MYO5B: variants seen among roughly 807,000 people sequenced by gnomAD.
MYO5B encodes unconventional myosin-Vb.
Under a neutral mutation model 229.3 loss-of-function variants are expected in MYO5B, and 143 were observed. The ratio of observed to expected loss-of-function variants is 0.62; its 90% CI spans 0.54 to 0.72. MYO5B has a LOEUF of 0.72. MYO5B is among the 30% of genes least tolerant of loss of function. MYO5B has a pLI of 0.00. For missense variants in MYO5B, 2,321 were observed against 2,331.0 expected (o/e 1.00, Z 0.09); for synonymous variants, 918 against 885.2 (o/e 1.04, Z -0.66).
At chr18:49,913,620 A>C (rs1196086901) in intron 17 of MYO5B, among the ~76,000 whole-genome samples, 1 of 152,158 alleles carries the variant, frequency 6.6e-6, no homozygotes, top group Non-Finnish European at 1.5e-5. Flanking sequence ...TATGGACAGG[A>C]GACAGGGAAA....
rs538440820 is a variant in MYO5B at position 49,990,509 on chromosome 18, C to G, written c.768G>C (p.Glu256Asp). The change falls in exon 7 of 40, where the codon GAG (glutamate) becomes GAC (aspartate). Residue 256 changes from glutamate (E) to aspartate (D), a missense_variant. Coordinates refer to ENST00000285039, the MANE Select transcript of MYO5B (RefSeq NM_001080467.3). ...GCTGGTAAAAGATGTGGTAATTCCT[C>G]TCATCATCTGCCTGGAGGAGGAAGA... is the stretch of plus-strand genomic sequence containing the variant. ...KSRVVFQADD[E>D]RNYHIFYQLC... 1.2e-6 allele frequency: 2 copies of G among 1,613,576 alleles called. No individual in the cohort carries two copies. The highest frequency in any genetic ancestry group is 8.5e-7 in the Non-Finnish European group (1 of 1,179,686).
chr18:50,034,717 C>T (rs1346858881), intron 4 of MYO5B, among the ~76,000 whole-genome samples: 1 of 152,076 alleles, frequency 6.6e-6, no homozygotes, highest in Non-Finnish European at 1.5e-5. Context: ...TCACTCCAGC[C>T]TGAGCGAAAG....
intron 9 of MYO5B, among the ~76,000 whole-genome samples, 183 bp from the exon 10 acceptor site, chr18:49,974,798 G>GACACACACACACACACACACAC (rs10680505): frequency 0.042 from 5,489 of 130,996 alleles, 442 homozygotes; most frequent in Non-Finnish European, 0.054. Context: ...CACACACACA[G>GACACACACACACACACACACAC]ACACACACAC....
chr18:50,084,320 T>C (rs889308395), intron 1 of MYO5B, among the ~76,000 whole-genome samples: 3 of 152,180 alleles, frequency 2.0e-5, no homozygotes, highest in African/African-American at 7.2e-5. Flanking sequence ...CCATTTTTAC[T>C]ACTCTCTCTA....
At chr18:49,902,161 G>A (rs2024848639) in intron 21 of MYO5B, among the ~76,000 whole-genome samples, 1 of 152,130 alleles carries the variant, frequency 6.6e-6, no homozygotes, top group South Asian at 2.1e-4. Context: ...CATTCTTTCT[G>A]GACGCTCTAG....
intron 14 of MYO5B, among the ~76,000 whole-genome samples, chr18:49,942,378 A>G (rs1226593873): frequency 9.6e-6 from 1 of 104,312 alleles, no homozygotes. Context: ...GCTTCTGCAC[A>G]GCAAAAAAAA....
intron 1 of MYO5B, among the ~76,000 whole-genome samples, chr18:50,107,632 TGTG>T (rs1249242773): frequency 6.6e-6 from 1 of 152,160 alleles, no homozygotes; most frequent in Non-Finnish European, 1.5e-5. Context: ...AAACCAGCCT[TGTG>T]ATTCCAGCAC....
intron 1 of MYO5B, among the ~76,000 whole-genome samples, chr18:50,077,577 T>C (rs2031118745): frequency 6.6e-6 from 1 of 151,770 alleles, no homozygotes; most frequent in Middle Eastern, 3.4e-3. Flanking sequence ...ATTTCAGGAA[T>C]GTTGCATCTC....
chr18:50,187,880 G>A (rs574828516), intron 1 of MYO5B, among the ~76,000 whole-genome samples: 1 of 152,128 alleles, frequency 6.6e-6, no homozygotes, highest in Non-Finnish European at 1.5e-5. Flanking sequence ...GTCACTAGAG[G>A]GGGGCAGGGA....
chr18:50,052,429 A>T (rs1325330372), intron 2 of MYO5B, among the ~76,000 whole-genome samples: 1 of 149,534 alleles, frequency 6.7e-6, no homozygotes, highest in Non-Finnish European at 1.5e-5. Context: ...ATTGGAAATC[A>T]TCATTCTCAG....
chr18:49,987,068 C>T (rs982725196), intron 7 of MYO5B, among the ~76,000 whole-genome samples: 2 of 152,164 alleles, frequency 1.3e-5, no homozygotes, highest in Non-Finnish European at 2.9e-5. Flanking sequence ...CAGCATCTTT[C>T]GAAGACCTTT....
intron 22 of MYO5B, among the ~76,000 whole-genome samples, chr18:49,883,717 A>AT (rs948628077): frequency 6.6e-6 from 1 of 152,216 alleles, no homozygotes; most frequent in Non-Finnish European, 1.5e-5. Flanking sequence ...ACACTTCTAA[A>AT]TTTTAAAACT....
At chr18:50,044,570 A>C (rs1191944953) in intron 2 of MYO5B, among the ~76,000 whole-genome samples, 1 of 152,096 alleles carries the variant, frequency 6.6e-6, no homozygotes, top group Non-Finnish European at 1.5e-5. Flanking sequence ...CCTGCCTGAC[A>C]AGCAGGACTA....
chr18:49,877,829 G>A lies in MYO5B; in HGVS notation c.3330C>T (p.Asp1110=), dbSNP rs1396125755. ...NPSNQSSLES[D]SNYPSISTSE... is the part of the protein sequence containing the mutation. ...ATGTGGAGATGGAGGGGTAATTGGA[G>A]TCAGATTCTAAGCTACTTTGGTTTG... is the stretch of plus-strand genomic sequence containing the variant. Residue 1110 remains aspartate (D), a synonymous_variant, in exon 25 of 40, where the codon GAC becomes GAT. Coordinates refer to ENST00000285039, the MANE Select transcript of MYO5B (RefSeq NM_001080467.3). 1.9e-6 allele frequency: 3 copies of A among 1,614,116 alleles called. No homozygotes were observed. Among genetic ancestry groups the A allele is most frequent in the Non-Finnish European group, 8.5e-7 (1 of 1,179,986 alleles).
intron 1 of MYO5B, among the ~76,000 whole-genome samples, chr18:50,076,361 A>G (rs1239520648): frequency 6.6e-6 from 1 of 152,180 alleles, no homozygotes; most frequent in Non-Finnish European, 1.5e-5. Context: ...CCTGAGAGTA[A>G]GGGGCACCAG....
chr18:50,067,960 G>A (rs2030862195), intron 1 of MYO5B, among the ~76,000 whole-genome samples: 1 of 151,944 alleles, frequency 6.6e-6, no homozygotes, highest in Non-Finnish European at 1.5e-5. Context: ...TCCTTACCAA[G>A]TATACACTAC....
Position 49,900,168 on chromosome 18 carries a change from C to T in MYO5B, c.2811+2426G>A, listed in dbSNP as rs560246850. ...GACTGCACTCTGGCTGGAAGGTTAA[C>T]TCACAACATTTGACTAAGCAAGTCT... is the stretch of plus-strand genomic sequence containing the variant. On this transcript the variant is annotated intron_variant, in intron 21 of 39. Coordinates refer to ENST00000285039, the MANE Select transcript of MYO5B (RefSeq NM_001080467.3). Among the ~76,000 whole-genome samples, 6 of 152,372 alleles carry T rather than the reference C, an allele frequency of 3.9e-5. No homozygotes were observed. In the South Asian group the frequency reaches 8.3e-4, roughly 21 times the overall value.
At chr18:49,990,173 T>C (rs886067042) in intron 7 of MYO5B, among the ~76,000 whole-genome samples, 2 of 152,206 alleles carry the variant, frequency 1.3e-5, no homozygotes, top group African/African-American at 4.8e-5. Flanking sequence ...TAATAAAGCA[T>C]GAAAAGACTT....
At chr18:50,125,470 T>TAC (rs2032146207) in intron 1 of MYO5B, among the ~76,000 whole-genome samples, 1 of 152,006 alleles carries the variant, frequency 6.6e-6, no homozygotes, top group Non-Finnish European at 1.5e-5. Context: ...TTTATACATA[T>TAC]GTAACAAACC....
Sources: gnomAD v4.1 joint callset for allele counts (sites outside exome capture counted in the v4.1 genomes callset) on GRCh38, gnomAD v4.1.1 for gene constraint, MANE v1.5 for transcripts, NCBI Gene and HGNC (gene_info 2026-07-23, HGNC 2026-07-21) for gene names.